ACACB: variants seen among roughly 807,000 people sequenced by gnomAD.
ACACB encodes acetyl-CoA carboxylase beta.
A neutral mutation model predicts 278.8 loss-of-function variants in ACACB; 209 were observed. The observed-to-expected ratio is 0.75, with a 90% CI of 0.67 to 0.84. The LOEUF is 0.84. Among genes scored for constraint, ACACB ranks in the 40% least tolerant of loss-of-function variants. The pLI is 0.00. For missense variants in ACACB, 2,850 were observed against 3,269.0 expected (o/e 0.87, Z 3.13); for synonymous variants, 1,174 against 1,285.6 (o/e 0.91, Z 1.86).
intron 39 of ACACB, among the ~76,000 whole-genome samples, chr12:109,247,102 T>C (rs1446578512): frequency 6.6e-6 from 1 of 151,822 alleles, no homozygotes; most frequent in Admixed American, 6.6e-5. Flanking sequence ...AGAAAAATCT[T>C]TGGGGAGTTG....
chr12:109,184,698 G>C (rs900212624), intron 11 of ACACB, among the ~76,000 whole-genome samples: 1 of 150,624 alleles, frequency 6.6e-6, no homozygotes, highest in South Asian at 2.1e-4. Context: ...CTTGACATTG[G>C]CATTAAAATT....
rs2046782581 is a variant in ACACB at position 109,241,073 on chromosome 12, G to C, written c.4819-5G>C. On this transcript the variant is annotated splice_region_variant and splice_polypyrimidine_tract_variant and intron_variant, in intron 35 of 52. Transcript: ENST00000338432. ...TGAAACTGGAATTGCTGTGTTTTGG[G>C]GCAGATCGAGGAGTCCGTGCGCTAC... 6.2e-7 allele frequency: 1 copy of C among 1,613,072 alleles called. No homozygotes were observed. The highest frequency in any genetic ancestry group is 8.5e-7 in the Non-Finnish European group (1 of 1,179,380).
intron 24 of ACACB, among the ~76,000 whole-genome samples, chr12:109,217,436 G>C (rs2046036197): frequency 6.6e-6 from 1 of 152,194 alleles, no homozygotes; most frequent in Admixed American, 6.5e-5. Context: ...GGAGCCCGAG[G>C]TGGGAGGATC....
chr12:109,203,897 A>T (rs183558212), intron 19 of ACACB, among the ~76,000 whole-genome samples: 84 of 152,348 alleles, frequency 5.5e-4, no homozygotes, highest in Non-Finnish European at 3.2e-4. Context: ...TGATGAATGA[A>T]TGAATGTTTA....
intron 22 of ACACB, 123 bp from the exon 23 acceptor site, chr12:109,216,495 C>T: frequency 3.2e-6 from 3 of 949,960 alleles, no homozygotes; most frequent in Middle Eastern, 3.6e-4. Context: ...GCTGGGATTA[C>T]AGGCATGAGC....
chr12:109,253,610 T>C (rs1157406628), intron 43 of ACACB, among the ~76,000 whole-genome samples: 1 of 152,148 alleles, frequency 6.6e-6, no homozygotes, highest in Non-Finnish European at 1.5e-5. Context: ...GATGATTAAG[T>C]GAAGTGATAT....
chr12:109,221,373 G>A (rs551847845), intron 24 of ACACB, among the ~76,000 whole-genome samples: 1 of 152,284 alleles, frequency 6.6e-6, no homozygotes, highest in South Asian at 2.1e-4. Context: ...CTGATATTTA[G>A]CATTCATTGC....
chr12:109,265,571 G>A (rs767914422), intron 52 of ACACB, 46 bp downstream of exon 52: 21 of 1,600,106 alleles, frequency 1.3e-5, no homozygotes, highest in African/African-American at 2.7e-5. Flanking sequence ...GCAAGGACCC[G>A]AGCCTGGATT....
intron 28 of ACACB, among the ~76,000 whole-genome samples, chr12:109,229,829 C>T (rs1240355417): frequency 6.6e-6 from 1 of 152,088 alleles, no homozygotes; most frequent in African/African-American, 2.4e-5. Context: ...ATGCCTGGCT[C>T]ACCTAAAAAT....
At chr12:109,249,937 T>A in intron 40 of ACACB, 47 bp from the exon 41 acceptor site, 7 of 1,561,304 alleles carry the variant, frequency 4.5e-6, no homozygotes, top group South Asian at 1.2e-5. Flanking sequence ...CCACCTTGGA[T>A]TTTTTGGGGC....
intron 15 of ACACB, among the ~76,000 whole-genome samples, chr12:109,193,217 CTTT>C (rs10710816): frequency 2.5e-4 from 24 of 96,274 alleles, no homozygotes; most frequent in South Asian, 1.1e-3. Context: ...CAGATTTAGC[CTTT>C]TTTTTTTTTT....
At chr12:109,258,126 C>G in intron 45 of ACACB, 142 bp from the exon 46 acceptor site, 1 of 635,624 alleles carries the variant, frequency 1.6e-6, no homozygotes, top group East Asian at 2.8e-5. Context: ...CATTTGGGGG[C>G]TTTTTCTTTG....
chr12:109,210,460 TATAC>T (rs2045792646), intron 21 of ACACB, among the ~76,000 whole-genome samples: 1 of 130,764 alleles, frequency 7.6e-6, no homozygotes, highest in South Asian at 2.2e-4. Flanking sequence ...TATATGTATA[TATAC>T]GCACATACAT....
intron 17 of ACACB, 151 bp from the exon 18 acceptor site, chr12:109,199,251 G>T: frequency 1.9e-6 from 1 of 540,168 alleles, no homozygotes; most frequent in East Asian, 3.4e-5. Context: ...CACTCTCAGT[G>T]TCTCTGAGAT....
At chr12:109,209,967 A>ACC in intron 21 of ACACB, among the ~76,000 whole-genome samples, 1 of 76,730 alleles carries the variant, frequency 1.3e-5, no homozygotes, top group South Asian at 3.6e-4. Flanking sequence ...ATATGTGTAT[A>ACC]CACACATACA....
At chr12:109,133,863 ATTTTT>A (rs67896522) in intron 1 of ACACB, among the ~76,000 whole-genome samples, 28 of 70,618 alleles carry the variant, frequency 4.0e-4, no homozygotes, top group African/African-American at 1.5e-3. Flanking sequence ...ATATATATAT[ATTTTT>A]TTTTTTTTTT....
chr12:109,251,277 T>C (rs571972423), intron 41 of ACACB, among the ~76,000 whole-genome samples: 1 of 152,368 alleles, frequency 6.6e-6, no homozygotes, highest in African/African-American at 2.4e-5. Flanking sequence ...AGAGACACTT[T>C]AGCAACTGCC....
At chr12:109,196,980 G>A (rs141767715) in intron 16 of ACACB, 28 bp from the exon 17 acceptor site, 7 of 1,524,286 alleles carry the variant, frequency 4.6e-6, no homozygotes, top group Middle Eastern at 1.8e-4. Context: ...CCTGAACCCA[G>A]GCGGTGACAA....
intron 22 of ACACB, among the ~76,000 whole-genome samples, chr12:109,215,169 C>T (rs1489513138): frequency 6.6e-6 from 1 of 151,344 alleles, no homozygotes; most frequent in Non-Finnish European, 1.5e-5. Flanking sequence ...TCCAGTTTGT[C>T]TTTTTAAAAT....
Sources: gnomAD v4.1 joint callset for allele counts (sites outside exome capture counted in the v4.1 genomes callset) on GRCh38, gnomAD v4.1.1 for gene constraint, MANE v1.5 for transcripts, NCBI Gene and HGNC (gene_info 2026-07-23, HGNC 2026-07-21) for gene names.